The following SGMS1 variants were observed in gnomAD, a reference collection of about 807,000 sequenced individuals.
SGMS1 encodes phosphatidylcholine:ceramide cholinephosphotransferase 1.
SGMS1 carries 13 observed loss-of-function variants against 46.2 expected under a neutral mutation model. The observed-to-expected ratio is 0.28, with a 90% CI of 0.18 to 0.45. The LOEUF is 0.45. SGMS1 is among the 20% of genes least tolerant of loss of function. The probability of loss-of-function intolerance (pLI) is 1.00; values close to 1 mark genes in which losing one functional copy is unlikely to be tolerated. For synonymous variants in SGMS1, 203 were observed against 187.8 expected, an observed-to-expected ratio of 1.08 and a Z score of -0.66; for missense variants, 324 against 519.9, an observed-to-expected ratio of 0.62 and a Z score of 3.66.
intron 4 of SGMS1, among the ~76,000 whole-genome samples, chr10:50,466,069 G>A (rs539662031): frequency 3.4e-4 from 51 of 152,226 alleles, no homozygotes; most frequent in African/African-American, 1.2e-3. Context: ...CTCCCCGGCA[G>A]GAAATCAATG....
At chr10:50,590,612 C>A (rs1410031116) in intron 1 of SGMS1, 1 of 152,058 alleles carries the variant, frequency 6.6e-6, no homozygotes, top group East Asian at 1.9e-4. Flanking sequence ...CCACAAACTA[C>A]TTAACATATC....
intron 6 of SGMS1, among the ~76,000 whole-genome samples, chr10:50,378,882 C>G (rs750607573): frequency 6.6e-6 from 1 of 152,166 alleles, no homozygotes; most frequent in Non-Finnish European, 1.5e-5. Flanking sequence ...CTACATTATT[C>G]TCAAATGAGT....
At chr10:50,312,099 G>A (rs2133277285) in intron 8 of SGMS1, among the ~76,000 whole-genome samples, 1 of 152,236 alleles carries the variant, frequency 6.6e-6, no homozygotes, top group Non-Finnish European at 1.5e-5. Flanking sequence ...CAAGTAAAAT[G>A]TGTAACTGTC....
intron 3 of SGMS1, among the ~76,000 whole-genome samples, chr10:50,501,549 A>C (rs1279374464): frequency 1.3e-5 from 2 of 152,232 alleles, no homozygotes; most frequent in Non-Finnish European, 1.5e-5. Context: ...CGCAGACCAA[A>C]AAAAATTAGC....
intron 4 of SGMS1, among the ~76,000 whole-genome samples, chr10:50,463,102 A>G (rs371777116): frequency 6.6e-6 from 1 of 152,176 alleles, no homozygotes; most frequent in East Asian, 1.9e-4. Context: ...CATAGAGGAA[A>G]TGCTTCATGA....
At chr10:50,313,998 A>G (rs944410599) in intron 8 of SGMS1, among the ~76,000 whole-genome samples, 1 of 152,036 alleles carries the variant, frequency 6.6e-6, no homozygotes, top group African/African-American at 2.4e-5. Flanking sequence ...AATTATGTTT[A>G]AAAAAAGCAA....
At chr10:50,483,228 C>T (rs929489384) in intron 3 of SGMS1, among the ~76,000 whole-genome samples, 22 of 152,132 alleles carry the variant, frequency 1.4e-4, no homozygotes, top group African/African-American at 4.6e-4. Flanking sequence ...TAGAGGCATG[C>T]ACCACCATAC....
chr10:50,537,425 T>C (rs187583492), intron 2 of SGMS1, among the ~76,000 whole-genome samples: 70 of 145,218 alleles, frequency 4.8e-4, no homozygotes, highest in Non-Finnish European at 1.0e-3. Flanking sequence ...TCCTGTTTCT[T>C]TTCTTTTTTT....
intron 6 of SGMS1, among the ~76,000 whole-genome samples, chr10:50,379,893 CAG>C (rs975670162): frequency 6.6e-6 from 1 of 152,128 alleles, no homozygotes; most frequent in Non-Finnish European, 1.5e-5. Flanking sequence ...GAAAGAAAAA[CAG>C]AAGAGAACAG....
At chr10:50,450,195 T>C (rs1462941545) in intron 5 of SGMS1, among the ~76,000 whole-genome samples, 1 of 152,150 alleles carries the variant, frequency 6.6e-6, no homozygotes, top group Non-Finnish European at 1.5e-5. Flanking sequence ...TGAAATCATA[T>C]CATTCTGGGT....
chr10:50,437,254 G>A (rs941311632), intron 5 of SGMS1, among the ~76,000 whole-genome samples: 7 of 152,112 alleles, frequency 4.6e-5, no homozygotes, highest in Non-Finnish European at 7.4e-5. Flanking sequence ...ACCACAAAAG[G>A]GCTTGGGGTG....
chr10:50,612,251 T>A (rs1401791180), intron 1 of SGMS1, among the ~76,000 whole-genome samples: 4 of 152,266 alleles, frequency 2.6e-5, no homozygotes, highest in Admixed American at 2.6e-4. Context: ...CCCGTCTTCA[T>A]GGATTCACAT....
At chr10:50,538,421 G>GTAC (rs1838022908) in intron 2 of SGMS1, among the ~76,000 whole-genome samples, 1 of 139,194 alleles carries the variant, frequency 7.2e-6, no homozygotes, top group Non-Finnish European at 1.5e-5. Flanking sequence ...TCATGCCACT[G>GTAC]TACTACAGCC....
At chr10:50,523,056 C>T (rs930531959) in intron 2 of SGMS1, among the ~76,000 whole-genome samples, 25 of 152,142 alleles carry the variant, frequency 1.6e-4, no homozygotes, top group African/African-American at 5.1e-4. Context: ...AAGCAGGAAA[C>T]CAGGGCAAAT....
At chr10:50,546,875 A>T (rs1396034297) in intron 2 of SGMS1, among the ~76,000 whole-genome samples, 2 of 150,790 alleles carry the variant, frequency 1.3e-5, no homozygotes, top group Non-Finnish European at 3.0e-5. Context: ...ATATAATAAT[A>T]AAAAAAAAGA....
chr10:50,363,038 G>T (rs1179430738), intron 6 of SGMS1, among the ~76,000 whole-genome samples: 1 of 152,070 alleles, frequency 6.6e-6, no homozygotes, highest in Non-Finnish European at 1.5e-5. Context: ...CTTTTTTGGG[G>T]GGTGAAAAGG....
chr10:50,350,273 T>C (rs980547363), intron 6 of SGMS1, among the ~76,000 whole-genome samples: 2 of 152,174 alleles, frequency 1.3e-5, no homozygotes, highest in African/African-American at 4.8e-5. Context: ...TTCTAAGCAG[T>C]AAAGCATTTA....
chr10:50,539,074 T>C (rs541294721), intron 2 of SGMS1, among the ~76,000 whole-genome samples: 3 of 152,252 alleles, frequency 2.0e-5, no homozygotes, highest in Non-Finnish European at 4.4e-5. Context: ...GTTCTTGCCA[T>C]GTGGGCATCC....
chr10:50,497,671 G>A (rs1215469155), intron 3 of SGMS1, among the ~76,000 whole-genome samples: 2 of 152,120 alleles, frequency 1.3e-5, no homozygotes, highest in East Asian at 1.9e-4. Flanking sequence ...GTGCATGCCT[G>A]TAATCCCAGC....
Sources: gnomAD v4.1 joint callset for allele counts (sites outside exome capture counted in the v4.1 genomes callset) on GRCh38, gnomAD v4.1.1 for gene constraint, MANE v1.5 for transcripts, NCBI Gene and HGNC (gene_info 2026-07-23, HGNC 2026-07-21) for gene names.